PRPS1: variants seen among roughly 807,000 people sequenced by gnomAD.
PRPS1 encodes phosphoribosyl pyrophosphate synthetase 1, also known as ribose-phosphate pyrophosphokinase 1.
Under a neutral mutation model 16.9 loss-of-function variants are expected in PRPS1, and 1 was observed. That is an observed-to-expected ratio of 0.06 (90% CI 0.02 to 0.28). PRPS1 has a LOEUF of 0.28. Among genes scored for constraint, PRPS1 ranks in the 10% least tolerant of loss-of-function variants. The probability of loss-of-function intolerance (pLI) is 1.00; values close to 1 mark genes in which losing one functional copy is unlikely to be tolerated. For missense variants in PRPS1, 47 were observed against 254.0 expected, an observed-to-expected ratio of 0.19 and a Z score of 5.54; for synonymous variants, 70 against 90.2, an observed-to-expected ratio of 0.78 and a Z score of 1.27.
intron 1 of PRPS1, among the ~76,000 whole-genome samples, chrX:107,635,120 C>T (rs896662183): frequency 1.8e-5 from 2 of 111,996 alleles, no homozygotes; most frequent in East Asian, 2.9e-4. Context: ...GGATTACAGG[C>T]GTGAGCCACC....
chrX:107,650,532 C>T lies in PRPS1; in HGVS notation c.*500C>T, dbSNP rs1925805657. ...TGTAAGGCAGGAGCAGGCAGCTCAG[C>T]TTGAGCAGACATTGGGTGGGGGGTG... On this transcript the variant is annotated 3_prime_UTR_variant, in exon 7 of 7. Transcript: ENST00000372435. The T allele has an allele frequency of 3.8e-6, 1 of 266,085 alleles. No homozygotes were observed. The allele number at this position is 266,085 out of a possible 1,213,427, so 21.9% of individuals were successfully genotyped here.
chrX:107,630,006 A>G (rs1208371409), intron 1 of PRPS1: 1 of 112,202 alleles, frequency 8.9e-6, no homozygotes, highest in Non-Finnish European at 1.9e-5. Flanking sequence ...AACTCGCCTT[A>G]TCTCTTTTAG....
At chrX:107,642,578 G>T in intron 4 of PRPS1, 88 bp downstream of exon 4, 1 of 1,141,468 alleles carries the variant, frequency 8.8e-7, no homozygotes, top group Non-Finnish European at 1.2e-6. Context: ...TATCCAAGTG[G>T]CAGTTTTTAA....
At chrX:107,636,177 CA>C (rs1452391928) in intron 1 of PRPS1, among the ~76,000 whole-genome samples, 1 of 110,934 alleles carries the variant, frequency 9.0e-6, no homozygotes, top group Admixed American at 9.6e-5. Flanking sequence ...GGCTGGAGTG[CA>C]GCGGCTTCAT....
chrX:107,632,493 T>C (rs1380529758), intron 1 of PRPS1, among the ~76,000 whole-genome samples: 1 of 112,385 alleles, frequency 8.9e-6, no homozygotes, highest in Admixed American at 9.5e-5. Context: ...TTGGATACAC[T>C]TATGCCTGAC....
At chrX:107,647,063 C>T (rs1386781016) in intron 5 of PRPS1, among the ~76,000 whole-genome samples, 2 of 112,655 alleles carry the variant, frequency 1.8e-5, no homozygotes, top group African/African-American at 6.5e-5. Context: ...ATTGTGTCCT[C>T]CCCAAATTCA....
chrX:107,647,942 T>C (rs965905897), intron 6 of PRPS1, among the ~76,000 whole-genome samples, 177 bp downstream of exon 6: 7 of 111,781 alleles, frequency 6.3e-5, no homozygotes, highest in African/African-American at 2.3e-4. Flanking sequence ...CCTTTTTTTT[T>C]TTCTTTTCAA....
intron 1 of PRPS1, among the ~76,000 whole-genome samples, chrX:107,634,195 TTTTTA>T (rs1328456746): frequency 1.8e-5 from 2 of 110,440 alleles, no homozygotes; most frequent in African/African-American, 6.6e-5. Context: ...TTAGTGTTAC[TTTTTA>T]TTTTATTTAT....
intron 4 of PRPS1, among the ~76,000 whole-genome samples, 154 bp from the exon 5 acceptor site, chrX:107,645,023 C>T (rs980716334): frequency 9.0e-6 from 1 of 111,495 alleles, no homozygotes; most frequent in African/African-American, 3.3e-5. Context: ...ACTGTGTTAG[C>T]CAGGATGGTC....
chrX:107,634,757 G>T (rs1925391716), intron 1 of PRPS1, among the ~76,000 whole-genome samples: 2 of 110,771 alleles, frequency 1.8e-5, no homozygotes, highest in Non-Finnish European at 3.8e-5. Context: ...GATAGTTGAG[G>T]CATTTGTAAA....
Position 107,642,426 on chromosome X carries a change from A to G in PRPS1, c.466A>G (p.Arg156Gly). The change falls in exon 4 of 7, where the codon AGG (arginine) becomes GGG (glycine). Residue 156 changes from arginine to glycine, a missense_variant. By Grantham distance (125) the Arg-to-Gly change is moderately radical. Coordinates refer to ENST00000372435, the MANE Select transcript of PRPS1 (RefSeq NM_002764.4). The stretch of plus-strand genomic sequence containing the variant: ...AGAGCCGGCTGTCCTAAAGTGGATA[A>G]GGGAGAATATCTCTGAGTGGAGGAA... ...YAEPAVLKWI[R>G]ENISEWRNCT... 1 of 1,211,678 alleles carries G rather than the reference A, an allele frequency of 8.3e-7. No individual in the cohort carries two copies. Among genetic ancestry groups the G allele is most frequent in the Non-Finnish European group, 1.1e-6 (1 of 895,255 alleles).
At chrX:107,643,531 T>A (rs948842973) in intron 4 of PRPS1, among the ~76,000 whole-genome samples, 2 of 111,598 alleles carry the variant, frequency 1.8e-5, no homozygotes, top group Admixed American at 1.9e-4. Flanking sequence ...TGTCTTATAG[T>A]GATGGAGTAT....
Position 107,639,217 on chromosome X carries a change from T to C in PRPS1, c.123-78T>C. The C allele has an allele frequency of 2.7e-6, 3 of 1,102,676 alleles. No individual in the cohort carries two copies. The East Asian group carries it at 9.0e-5, about 33-fold the overall frequency. 90.9% of individuals were successfully genotyped at this position (1,102,676 alleles called of 1,213,427 possible). On this transcript the variant is annotated intron_variant, in intron 1 of 6. Transcript: ENST00000372435. ...ATCCACACTTGGTTGAATCCATAGA[T>C]GTGGAACCTATGGATATGGAGGGCT... is the stretch of plus-strand genomic sequence containing the variant.
rs753253435 is a variant in PRPS1, at chrX:107,636,404, G to A, written c.123-2891G>A. On this transcript the variant is annotated intron_variant, in intron 1 of 6. Transcript: ENST00000372435. Reference sequence around the variant, plus strand: ...CAAAGTGCTGGGATTACAGGCATGAGCCACTGCGTCCAGTCTTAAAAAAGG... The same window carrying A: ...CAAAGTGCTGGGATTACAGGCATGAACCACTGCGTCCAGTCTTAAAAAAGG... Among the ~76,000 whole-genome samples, 19 of 112,790 alleles carry A rather than the reference G, an allele frequency of 1.7e-4. No individual in the cohort carries two copies. The South Asian group carries it at 6.9e-3, about 41-fold the overall frequency.
At chrX:107,644,624 T>C (rs1004797207) in intron 4 of PRPS1, among the ~76,000 whole-genome samples, 1 of 111,656 alleles carries the variant, frequency 9.0e-6, no homozygotes, top group Admixed American at 9.5e-5. Context: ...TGAATACTCA[T>C]CTAAGTTTGA....
At position 107,650,043 on chromosome X, in the gene PRPS1, T is replaced by G; in HGVS notation, c.*11T>G. On this transcript the variant is annotated 3_prime_UTR_variant, in exon 7 of 7. Transcript: ENST00000372435. ...CATGTCCCTTTATAATAGAGTAACT[T>G]CTGAGGCTTTTTGAGAATAAAATCC... The G allele has an allele frequency of 8.3e-7, 1 of 1,211,887 alleles. No individual in the cohort carries two copies. Among genetic ancestry groups the G allele is most frequent in the Middle Eastern group, 2.3e-4 (1 of 4,333 alleles).
chrX:107,646,313 A>G (rs1195947728), intron 5 of PRPS1, among the ~76,000 whole-genome samples: 1 of 110,134 alleles, frequency 9.1e-6, no homozygotes, highest in Non-Finnish European at 1.9e-5. Flanking sequence ...AAGGAGTCCC[A>G]CTATGTTGCC....
intron 4 of PRPS1, 25 bp from the exon 5 acceptor site, chrX:107,645,152 C>CAT (rs781720889): frequency 8.3e-7 from 1 of 1,210,650 alleles, no homozygotes; most frequent in East Asian, 3.0e-5. Flanking sequence ...GCCACACATA[C>CAT]ATATGAACAC....
In PRPS1 at chrX:107,628,544, T is replaced by A; in HGVS notation, c.-85T>A. ...TGGCGGAGTAGCAACGCAAAGCGCT[T>A]GGTATTGAGTCTGTGGCCGACTTCG... On this transcript the variant is annotated 5_prime_UTR_variant, in exon 1 of 7. Coordinates refer to ENST00000372435, the MANE Select transcript of PRPS1 (RefSeq NM_002764.4). 1 of 1,199,488 alleles carries A rather than the reference T, an allele frequency of 8.3e-7. No individual in the cohort carries two copies. The highest frequency in any genetic ancestry group is 1.1e-6 in the Non-Finnish European group (1 of 886,518).
Sources: allele counts gnomAD v4.1 joint callset (sites outside exome capture counted in the v4.1 genomes callset), GRCh38; gene constraint gnomAD v4.1.1; transcripts MANE v1.5; gene names NCBI Gene and HGNC (gene_info 2026-07-23, HGNC 2026-07-21).